CARMIL1: variants seen among roughly 807,000 people sequenced by gnomAD.
The protein encoded by CARMIL1 is F-actin-uncapping protein LRRC16A.
Under a neutral mutation model 177.1 loss-of-function variants are expected in CARMIL1, and 90 were observed. That is an observed-to-expected ratio of 0.51 (90% confidence interval 0.43 to 0.61). The LOEUF (loss-of-function observed/expected upper bound fraction) is 0.61. Among genes scored for constraint, CARMIL1 ranks in the 20% least tolerant of loss-of-function variants. The pLI is 0.00. For missense variants in CARMIL1, 1,380 were observed against 1,667.0 expected, an observed-to-expected ratio of 0.83 and a Z score of 3.00; for synonymous variants, 577 against 606.2, an observed-to-expected ratio of 0.95 and a Z score of 0.71.
At chr6:25,307,682 G>A (rs530560721) in intron 2 of CARMIL1, among the ~76,000 whole-genome samples, 1 of 152,302 alleles carries the variant, frequency 6.6e-6, no homozygotes, top group South Asian at 2.1e-4. Flanking sequence ...TTTAGACATT[G>A]GGGAAAGGCT....
chr6:25,356,463 A>G (rs945880139), intron 2 of CARMIL1, among the ~76,000 whole-genome samples: 17 of 152,154 alleles, frequency 1.1e-4, no homozygotes, highest in African/African-American at 4.1e-4. Flanking sequence ...GGTTTAAAAA[A>G]CCAGAGATTT....
rs184915617 is a variant in CARMIL1 at position 25,289,284 on chromosome 6, T to C, written c.138+4375T>C. On this transcript the variant is annotated intron_variant, in intron 2 of 36. Coordinates refer to ENST00000329474, the MANE Select transcript of CARMIL1 (RefSeq NM_017640.6). ...TGTCATTAGAAAGTGATTCTATGTTTATTTGACTCTAATTCCCTTCTCCCA... is the reference window on the plus strand; with the variant it reads ...TGTCATTAGAAAGTGATTCTATGTTCATTTGACTCTAATTCCCTTCTCCCA... Among the ~76,000 whole-genome samples, 41 of 152,356 alleles carry C rather than the reference T, an allele frequency of 2.7e-4. No homozygotes were observed. The East Asian group carries it at 7.9e-3, about 29-fold the overall frequency.
Position 25,455,327 on chromosome 6 carries a change from ATATT to A in CARMIL1, c.614+4619_614+4622del, listed in dbSNP as rs377298708. ...TTTCATTCCACTTTTTCTCGCCGTT[ATATT>A]TAGTCTTCATACTTAGAAACATCCA... On this transcript the variant is annotated intron_variant, in intron 8 of 36. Coordinates refer to ENST00000329474, the MANE Select transcript of CARMIL1 (RefSeq NM_017640.6). Among the ~76,000 whole-genome samples, 560 of 152,210 alleles carry A rather than the reference ATATT, an allele frequency of 3.7e-3. 1 individual carries two copies. Among genetic ancestry groups the A allele is most frequent in the African/African-American group, 0.013 (525 of 41,544 alleles).
In CARMIL1 at chr6:25,511,722, C is replaced by T. The variant is rs1313974254; in HGVS notation, c.1632+960C>T. Among the ~76,000 whole-genome samples the T allele has an allele frequency of 3.3e-5, 5 of 152,246 alleles. No individual in the cohort carries two copies. The South Asian group carries it at 1.0e-3, about 32-fold the overall frequency. Reference sequence around the variant, plus strand: ...TGACTTTTCTGTGAAAGCTAAGAGGCCAGGAAGGATAGACACTGGACACTT... The same window carrying T: ...TGACTTTTCTGTGAAAGCTAAGAGGTCAGGAAGGATAGACACTGGACACTT... On this transcript the variant is annotated intron_variant, in intron 20 of 36. Transcript: ENST00000329474.
chr6:25,337,401 C>T lies in CARMIL1; in HGVS notation c.138+52492C>T, dbSNP rs951198890. On this transcript the variant is annotated intron_variant, in intron 2 of 36. Coordinates refer to ENST00000329474, the MANE Select transcript of CARMIL1 (RefSeq NM_017640.6). ...GTTTCTTTAGTTGTATTACGGTAATCGGGCATATGTCTTCTAACCTTGATG... is the reference window on the plus strand; with the variant it reads ...GTTTCTTTAGTTGTATTACGGTAATTGGGCATATGTCTTCTAACCTTGATG... Among the ~76,000 whole-genome samples the T allele has an allele frequency of 3.9e-5, 6 of 152,238 alleles. No homozygotes were observed. The South Asian group carries it at 1.0e-3, about 26-fold the overall frequency.
At chr6:25,562,783 A>G (rs1280998826) in intron 29 of CARMIL1, among the ~76,000 whole-genome samples, 2 of 152,202 alleles carry the variant, frequency 1.3e-5, no homozygotes, top group African/African-American at 4.8e-5. Context: ...ATCCCTCCAC[A>G]AAATGACTTC....
chr6:25,370,330 G>A (rs1334054358), intron 2 of CARMIL1, among the ~76,000 whole-genome samples: 1 of 152,114 alleles, frequency 6.6e-6, no homozygotes, highest in African/African-American at 2.4e-5. Flanking sequence ...GGTAGGCGGG[G>A]GAAGGTGCTC....
chr6:25,323,808 G>A (rs936741583), intron 2 of CARMIL1, among the ~76,000 whole-genome samples: 1 of 152,206 alleles, frequency 6.6e-6, no homozygotes, highest in Non-Finnish European at 1.5e-5. Context: ...GCAAAGCACA[G>A]TTTGCTCATT....
At chr6:25,560,458 C>T (rs1016396991) in intron 29 of CARMIL1, among the ~76,000 whole-genome samples, 4 of 151,438 alleles carry the variant, frequency 2.6e-5, no homozygotes, top group African/African-American at 9.7e-5. Flanking sequence ...TTTAAAAAGC[C>T]TTCTTATTCA....
At position 25,394,773 on chromosome 6, in the gene CARMIL1, A is replaced by G. The variant is rs550051328; in HGVS notation, c.139-25341A>G. On this transcript the variant is annotated intron_variant, in intron 2 of 36. Transcript: ENST00000329474. ...CTAATTGTACTTAAAAGAAACATTT[A>G]TACATTAACAGTTACTATTTTGGGG... Among the ~76,000 whole-genome samples, 23 of 152,360 alleles carry G rather than the reference A, an allele frequency of 1.5e-4. No individual in the cohort carries two copies. In the South Asian group the frequency reaches 2.7e-3, roughly 18 times the overall value.
Position 25,608,368 on chromosome 6 carries a change from G to A in CARMIL1, c.3848-1682G>A, listed in dbSNP as rs543337963. 3.9e-5 allele frequency among the ~76,000 whole-genome samples: 6 copies of A among 152,232 alleles called. No individual in the cohort carries two copies. The South Asian group carries it at 1.2e-3, about 32-fold the overall frequency. On this transcript the variant is annotated intron_variant, in intron 35 of 36. Transcript: ENST00000329474. ...TTACTGTGCCTAATTTATACATTAA[G>A]CTTTATTATAGGTGTGTGTGTGTAG...
intron 8 of CARMIL1, among the ~76,000 whole-genome samples, chr6:25,457,183 T>C (rs147054283): frequency 0.011 from 1,751 of 152,298 alleles, 25 homozygotes; most frequent in African/African-American, 0.036. Context: ...GTGACGTTAA[T>C]AGTAGAACTT....
At chr6:25,473,660 G>A (rs1299760620) in intron 11 of CARMIL1, among the ~76,000 whole-genome samples, 1 of 152,152 alleles carries the variant, frequency 6.6e-6, no homozygotes, top group East Asian at 1.9e-4. Context: ...AATCCACACG[G>A]AAGTGGACCA....
intron 2 of CARMIL1, among the ~76,000 whole-genome samples, chr6:25,399,206 G>C (rs1209193800): frequency 6.6e-6 from 1 of 152,200 alleles, no homozygotes; most frequent in Non-Finnish European, 1.5e-5. Context: ...TAGGCCCCTG[G>C]TTTTGCAGGT....
At chr6:25,441,721 C>T (rs1797800521) in intron 5 of CARMIL1, among the ~76,000 whole-genome samples, 1 of 152,144 alleles carries the variant, frequency 6.6e-6, no homozygotes, top group African/African-American at 2.4e-5. Context: ...CCTCACCTCT[C>T]AGACAGTGAC....
Position 25,600,582 on chromosome 6 carries a change from G to T in CARMIL1, c.3388G>T (p.Asp1130Tyr). 6.2e-7 allele frequency: 1 copy of T among 1,613,962 alleles called. No individual in the cohort carries two copies. The highest frequency in any genetic ancestry group is 8.5e-7 in the Non-Finnish European group (1 of 1,179,882). Residue 1130 changes from aspartate (D) to tyrosine (Y), a missense_variant, in exon 33 of 37, where the codon GAC becomes TAC. Physicochemically the swap from Asp to Tyr is radical, Grantham distance 160. Coordinates refer to ENST00000329474, the MANE Select transcript of CARMIL1 (RefSeq NM_017640.6). ...ACGGATAGAGGAGATAAAAACACCT[G>T]ACTCCTTTGAAGAGAGTCAAGGGGA... ...SERIEEIKTPDSFEESQGEEI... is the reference protein window; with the variant it reads ...SERIEEIKTPYSFEESQGEEI...
intron 16 of CARMIL1, among the ~76,000 whole-genome samples, chr6:25,497,459 A>G (rs1803848847): frequency 6.6e-6 from 1 of 152,104 alleles, no homozygotes; most frequent in African/African-American, 2.4e-5. Context: ...ATTTATAAGG[A>G]CATTCTCTTG....
chr6:25,383,927 C>T (rs1434157667), intron 2 of CARMIL1, among the ~76,000 whole-genome samples: 1 of 152,146 alleles, frequency 6.6e-6, no homozygotes. Flanking sequence ...CAACCTCCAC[C>T]TCCTGGGTTC....
At chr6:25,573,425 T>G (rs1389832166) in intron 29 of CARMIL1, among the ~76,000 whole-genome samples, 2 of 152,194 alleles carry the variant, frequency 1.3e-5, no homozygotes, top group East Asian at 3.9e-4. Flanking sequence ...TAAACTCATT[T>G]TTAAAAGTAA....
Sources: gnomAD v4.1 joint callset for allele counts (sites outside exome capture counted in the v4.1 genomes callset) on GRCh38, gnomAD v4.1.1 for gene constraint, MANE v1.5 for transcripts, NCBI Gene and HGNC (gene_info 2026-07-23, HGNC 2026-07-21) for gene names.